Variants in USP31 observed in about 807,000 individuals in gnomAD.
USP31 encodes ubiquitin carboxyl-terminal hydrolase 31.
In USP31, 44 loss-of-function variants were observed where a neutral mutation model predicts 119.4. That is an observed-to-expected ratio of 0.37 (90% CI 0.29 to 0.47). The LOEUF is 0.47. USP31 is among the 20% of genes least tolerant of loss of function. The pLI is 0.99. For missense variants in USP31, 1,643 were observed against 1,730.2 expected, an observed-to-expected ratio of 0.95 and a Z score of 0.89; for synonymous variants, 749 against 705.6, an observed-to-expected ratio of 1.06 and a Z score of -0.97.
At position 23,105,310 on chromosome 16, in the gene USP31, C is replaced by T. The variant is rs1902050213; in HGVS notation, c.1089+131G>A. 7 of 1,213,200 alleles carry T rather than the reference C, an allele frequency of 5.8e-6. No individual in the cohort carries two copies. The South Asian group carries it at 1.5e-4, about 26-fold the overall frequency. 75.2% of individuals were successfully genotyped at this position (1,213,200 alleles called of 1,614,324 possible). ...GTCTTTGGGGCCTTGATTTTTTTCCCTAAACTCTAAATGCAACTGGTTTTA... is the reference window on the plus strand; with the variant it reads ...GTCTTTGGGGCCTTGATTTTTTTCCTTAAACTCTAAATGCAACTGGTTTTA... On this transcript the variant is annotated intron_variant, in intron 5 of 15. Coordinates refer to ENST00000219689, the MANE Select transcript of USP31 (RefSeq NM_020718.4).
chr16:23,135,675 G>A (rs1039667269), intron 1 of USP31, among the ~76,000 whole-genome samples: 1 of 152,042 alleles, frequency 6.6e-6, no homozygotes, highest in African/African-American at 2.4e-5. Flanking sequence ...TAGTTGAAAG[G>A]AATTAAAGAC....
intron 1 of USP31, among the ~76,000 whole-genome samples, chr16:23,147,568 A>C (rs1288867237): frequency 2.0e-5 from 3 of 152,114 alleles, no homozygotes; most frequent in Non-Finnish European, 4.4e-5. Context: ...CTCGGCTCTC[A>C]AATCTCACCC....
intron 1 of USP31, among the ~76,000 whole-genome samples, chr16:23,134,089 TCACACACACACA>T (rs10557354): frequency 4.0e-4 from 58 of 146,444 alleles, no homozygotes; most frequent in African/African-American, 1.1e-3. Flanking sequence ...TCTCTCTCTC[TCACACACACACA>T]CACACACACA....
At position 23,082,546 on chromosome 16, in the gene USP31, A is replaced by T. The variant is rs372126950; in HGVS notation, c.1842T>A (p.Asp614Glu). 1 of 1,614,188 alleles carries T rather than the reference A, an allele frequency of 6.2e-7. No homozygotes were observed. The highest frequency in any genetic ancestry group is 8.5e-7 in the Non-Finnish European group (1 of 1,180,032). ...LYTKEERLAP[D>E]DAWRCPHCKQ... is the part of the protein sequence containing the mutation. ...TACAGTGTGGGCAACGCCAGGCATCATCGGGGGCAAGCTGAAAACAGAAGC... is the reference window on the plus strand; with the variant it reads ...TACAGTGTGGGCAACGCCAGGCATCTTCGGGGGCAAGCTGAAAACAGAAGC... Residue 614 changes from aspartate to glutamate, a missense_variant, in exon 12 of 16, where the codon GAT becomes GAA. Around this residue, in one of 5 missense-constraint regions of USP31, gnomAD observed 279 missense variants for 372.2 expected, o/e 0.75. Coordinates refer to ENST00000219689, the MANE Select transcript of USP31 (RefSeq NM_020718.4).
chr16:23,097,416 T>C (rs1483214569), intron 6 of USP31, among the ~76,000 whole-genome samples: 1 of 152,026 alleles, frequency 6.6e-6, no homozygotes, highest in Non-Finnish European at 1.5e-5. Context: ...GCTGGTACCA[T>C]TCCTTCTGAA....
intron 11 of USP31, among the ~76,000 whole-genome samples, chr16:23,083,905 A>G (rs1410456267): frequency 6.6e-6 from 1 of 152,190 alleles, no homozygotes; most frequent in Non-Finnish European, 1.5e-5. Context: ...GGCTATAGTA[A>G]CCAGTGGACA....
At chr16:23,138,478 C>G (rs1489148314) in intron 1 of USP31, among the ~76,000 whole-genome samples, 4 of 152,118 alleles carry the variant, frequency 2.6e-5, no homozygotes, top group Admixed American at 2.6e-4. Flanking sequence ...TCTGAGTGAC[C>G]ATTCTTTTAA....
chr16:23,148,591 C>T, intron 1 of USP31, 47 bp downstream of exon 1: 4 of 1,414,902 alleles, frequency 2.8e-6, no homozygotes, highest in Non-Finnish European at 3.6e-6. Flanking sequence ...GGGCAGGTGC[C>T]CCAGGGGCTC....
At chr16:23,121,029 A>C (rs1186258728) in intron 1 of USP31, among the ~76,000 whole-genome samples, 4 of 152,234 alleles carry the variant, frequency 2.6e-5, no homozygotes, top group African/African-American at 9.6e-5. Flanking sequence ...CCGATTTTAT[A>C]AGGAGATCCA....
At chr16:23,090,026 G>A (rs1340482791) in intron 7 of USP31, among the ~76,000 whole-genome samples, 1 of 152,172 alleles carries the variant, frequency 6.6e-6, no homozygotes, top group Admixed American at 6.5e-5. Flanking sequence ...AAAGTAGCTG[G>A]AAATGGGTCT....
intron 1 of USP31, among the ~76,000 whole-genome samples, chr16:23,136,554 T>C (rs1453585958): frequency 6.6e-6 from 1 of 151,330 alleles, no homozygotes; most frequent in African/African-American, 2.4e-5. Context: ...ACCAGGAGGC[T>C]GAAGCAGGAA....
chr16:23,101,036 A>G (rs1901830696), intron 6 of USP31, among the ~76,000 whole-genome samples: 1 of 152,194 alleles, frequency 6.6e-6, no homozygotes, highest in Non-Finnish European at 1.5e-5. Context: ...GCTCCTTTCA[A>G]GGTGTTTAGA....
chr16:23,071,826 G>A (rs765955501), intron 15 of USP31, among the ~76,000 whole-genome samples: 2 of 151,984 alleles, frequency 1.3e-5, no homozygotes, highest in East Asian at 3.8e-4. Flanking sequence ...ATAATGAAGT[G>A]GAAGGAGAAA....
intron 5 of USP31, among the ~76,000 whole-genome samples, chr16:23,103,636 C>T (rs958492926): frequency 2.0e-5 from 3 of 152,298 alleles, no homozygotes; most frequent in African/African-American, 7.2e-5. Context: ...AAAAACAGGA[C>T]AGGCATGGTG....
rs371090115 is a variant in USP31, at chr16:23,068,748, C to T, written c.3357G>A (p.Ser1119=). 3.1e-5 allele frequency: 50 copies of T among 1,593,034 alleles called. No individual in the cohort carries two copies. In the African/African-American group the frequency reaches 6.1e-4, roughly 19 times the overall value. ...TGGAGGAAGCAGTGTAGGTGAGGGC[C>T]GAGGCTGACTTCTGCTTCTGTGGCG... is the stretch of plus-strand genomic sequence containing the variant. ...SPSPQKQKSA[S]ALTYTASSTS... The change falls in exon 16 of 16, where the codon TCG becomes TCA. Residue 1119 remains serine (S), a synonymous_variant. Transcript: ENST00000219689.
At chr16:23,085,449 G>T (rs963929193) in intron 10 of USP31, 136 bp downstream of exon 10, 4 of 773,430 alleles carry the variant, frequency 5.2e-6, no homozygotes, top group Non-Finnish European at 8.4e-6. Context: ...TTAAATAAAG[G>T]GTTAACAACA....
At chr16:23,147,675 C>T (rs1903560344) in intron 1 of USP31, among the ~76,000 whole-genome samples, 1 of 152,184 alleles carries the variant, frequency 6.6e-6, no homozygotes, top group Admixed American at 6.5e-5. Flanking sequence ...CCCTGTAATC[C>T]CAGCACTTTG....
Position 23,072,153 on chromosome 16 carries a change from G to A in USP31, c.2380C>T (p.Pro794Ser). The A allele has an allele frequency of 6.2e-7, 1 of 1,611,178 alleles. No individual in the cohort carries two copies. Among genetic ancestry groups the A allele is most frequent in the African/African-American group, 1.3e-5 (1 of 75,038 alleles). The change falls in exon 15 of 16, where the codon CCG becomes TCG. Residue 794 changes from proline to serine, a missense_variant. Transcript: ENST00000219689. Reference sequence around the variant, plus strand: ...GTCACGCTGGCTGGCTTGCTGCCCGGGAGCCGGCTCACCCAGTGTTCACAC... The same window carrying A: ...GTCACGCTGGCTGGCTTGCTGCCCGAGAGCCGGCTCACCCAGTGTTCACAC... ...SLCEHWVSRL[P>S]GSKPASVTSA...
intron 2 of USP31, 46 bp from the exon 3 acceptor site, chr16:23,106,533 T>C (rs1902114789): frequency 1.3e-6 from 2 of 1,534,740 alleles, no homozygotes; most frequent in Non-Finnish European, 1.8e-6. Context: ...AAAGACCAAT[T>C]CTTGGTTGAA....
Sources: allele counts gnomAD v4.1 joint callset (sites outside exome capture counted in the v4.1 genomes callset), GRCh38; gene constraint gnomAD v4.1.1; regional missense constraint gnomAD v4.1.1; transcripts MANE v1.5; gene names NCBI Gene and HGNC (gene_info 2026-07-23, HGNC 2026-07-21).